Variants in GCH1 observed in about 807,000 individuals in gnomAD.
GCH1 encodes GTP cyclohydrolase I.
In GCH1, 5 loss-of-function variants were observed where a neutral mutation model predicts 25.9. The observed-to-expected ratio is 0.19, with a 90% confidence interval of 0.10 to 0.41. The LOEUF is 0.41. Ranked by LOEUF, GCH1 falls within the 10% of genes least tolerant of loss-of-function variation. GCH1 has a pLI of 1.00. For missense variants in GCH1, 261 were observed against 336.5 expected, an observed-to-expected ratio of 0.78 and a Z score of 1.75; for synonymous variants, 159 against 129.6, an observed-to-expected ratio of 1.23 and a Z score of -1.54.
intron 1 of GCH1, among the ~76,000 whole-genome samples, chr14:54,880,691 T>TC (rs1255384579): frequency 9.1e-4 from 1 of 1,102 alleles, no homozygotes; most frequent in South Asian, 0.5. Flanking sequence ...ATATATATAC[T>TC]CATATATATA....
intron 1 of GCH1, among the ~76,000 whole-genome samples, chr14:54,889,682 A>G (rs1196316373): frequency 6.6e-6 from 1 of 152,216 alleles, no homozygotes; most frequent in Admixed American, 6.5e-5. Flanking sequence ...GTTGCCAACC[A>G]AAAACAAAAA....
chr14:54,881,407 A>G (rs1350282198), intron 1 of GCH1, among the ~76,000 whole-genome samples: 2 of 152,206 alleles, frequency 1.3e-5, no homozygotes, highest in African/African-American at 4.8e-5. Context: ...CACCTGTTTG[A>G]AAAATTTGTC....
At chr14:54,845,669 T>C (rs1456564131) in intron 5 of GCH1, 99 bp downstream of exon 5, 2 of 785,448 alleles carry the variant, frequency 2.5e-6, no homozygotes. Flanking sequence ...ATATCAGTTG[T>C]GTGGCATCAC....
At chr14:54,885,525 C>T in intron 1 of GCH1, 1 of 336,532 alleles carries the variant, frequency 3.0e-6, no homozygotes, top group South Asian at 2.9e-5. Flanking sequence ...CTACACCTGG[C>T]TTCTGATACA....
rs375123099 is a variant in GCH1 at position 54,843,986 on chromosome 14, C to G, written c.*31G>C. 12 of 1,614,022 alleles carry G rather than the reference C, an allele frequency of 7.4e-6. No individual in the cohort carries two copies. In the Admixed American group the frequency reaches 1.0e-4, roughly 13 times the overall value. ...CAGACAATGCTACTGGCAGTACGAT[C>G]GGCAACCAACGCACACACACTGAAT... On this transcript the variant is annotated 3_prime_UTR_variant, in exon 6 of 6. Transcript: ENST00000491895.
chr14:54,845,334 C>T (rs536252170), intron 5 of GCH1, among the ~76,000 whole-genome samples: 55 of 148,478 alleles, frequency 3.7e-4, no homozygotes, highest in African/African-American at 1.1e-3. Flanking sequence ...AAAAATTAGC[C>T]GGGCATGGTG....
intron 4 of GCH1, 38 bp from the exon 5 acceptor site, chr14:54,845,890 C>G (rs762861837): frequency 9.2e-7 from 1 of 1,087,736 alleles, no homozygotes; most frequent in Non-Finnish European, 1.4e-6. Context: ...GAGAGTCTGA[C>G]ACAAACAGCT....
At chr14:54,850,479 A>AT (rs2039711357) in intron 3 of GCH1, among the ~76,000 whole-genome samples, 1 of 150,904 alleles carries the variant, frequency 6.6e-6, no homozygotes, top group African/African-American at 2.4e-5. Context: ...CATCCAGCTA[A>AT]TTTGTTTTTT....
At position 54,890,226 on chromosome 14, in the gene GCH1, G is replaced by A. The variant is rs188806988; in HGVS notation, c.343+12095C>T. On this transcript the variant is annotated intron_variant, in intron 1 of 5. Coordinates refer to ENST00000491895, the MANE Select transcript of GCH1 (RefSeq NM_000161.3). ...TAAAACAAATAACCAGGCCGGGAGC[G>A]GTGGCTTACGCCTGTAATCCCAGCA... Among the ~76,000 whole-genome samples, 508 of 152,308 alleles carry A rather than the reference G, an allele frequency of 3.3e-3. 4 individuals are homozygous for A. Among genetic ancestry groups the A allele is most frequent in the Non-Finnish European group, 2.6e-3 (179 of 68,030 alleles).
chr14:54,862,377 CTCTTTTTTTTTT>C (rs1302182359), intron 2 of GCH1, among the ~76,000 whole-genome samples: 4 of 115,816 alleles, frequency 3.5e-5, no homozygotes, highest in South Asian at 2.4e-4. Flanking sequence ...TGAAGCACTA[CTCTTTTTTTTTT>C]TTTTTTTTTT....
At chr14:54,887,361 G>C (rs1231449944) in intron 1 of GCH1, among the ~76,000 whole-genome samples, 1 of 152,140 alleles carries the variant, frequency 6.6e-6, no homozygotes, top group Non-Finnish European at 1.5e-5. Context: ...AATTTAGTGA[G>C]GTCTTTAGAC....
intron 1 of GCH1, chr14:54,878,183 C>T (rs28477407): frequency 0.21 from 32,949 of 154,490 alleles, 4,932 homozygotes; most frequent in East Asian, 0.42. Flanking sequence ...GGAGTTCCCT[C>T]TGAACCCATA....
chr14:54,845,785 C>G lies in GCH1; in HGVS notation c.609G>C (p.Gly203=). The G allele has an allele frequency of 6.2e-7, 1 of 1,603,110 alleles. No homozygotes were observed. The highest frequency in any genetic ancestry group is 8.5e-7 in the Non-Finnish European group (1 of 1,169,916). Residue 203 remains glycine, a synonymous_variant, in exon 5 of 6, where the codon GGG becomes GGC. Transcript: ENST00000491895. ...AGACTTACGTTGCTTCAACCACTAC[C>G]CCGACTCCAGCAGGCCGCAAGGCTT... The part of the protein sequence containing the change: ...ITEALRPAGV[G]VVVEATHMCM...
chr14:54,847,461 C>G (rs1423371440), intron 3 of GCH1, among the ~76,000 whole-genome samples: 1 of 152,146 alleles, frequency 6.6e-6, no homozygotes, highest in African/African-American at 2.4e-5. Context: ...GAATACAAAG[C>G]AGGCAGAAAT....
intron 2 of GCH1, among the ~76,000 whole-genome samples, chr14:54,864,003 C>T (rs2039957314): frequency 6.6e-6 from 1 of 152,094 alleles, no homozygotes; most frequent in Non-Finnish European, 1.5e-5. Flanking sequence ...GCAGTACAGG[C>T]ATGCACCACC....
At chr14:54,887,157 A>G (rs2040363644) in intron 1 of GCH1, among the ~76,000 whole-genome samples, 1 of 152,272 alleles carries the variant, frequency 6.6e-6, no homozygotes, top group East Asian at 1.9e-4. Flanking sequence ...GGAAAATCCC[A>G]TTAAATCTTC....
chr14:54,868,553 AAAT>A (rs1350002722), intron 1 of GCH1, among the ~76,000 whole-genome samples: 1 of 152,244 alleles, frequency 6.6e-6, no homozygotes, highest in African/African-American at 2.4e-5. Flanking sequence ...TCTGTAGTTT[AAAT>A]AATAGTATTG....
At chr14:54,889,629 C>T (rs1383852799) in intron 1 of GCH1, among the ~76,000 whole-genome samples, 1 of 152,164 alleles carries the variant, frequency 6.6e-6, no homozygotes, top group African/African-American at 2.4e-5. Context: ...TCTCCATAAG[C>T]AACAGTTGTT....
In GCH1 at chr14:54,887,684, TG is replaced by T. The variant is rs768141751; in HGVS notation, c.343+14636del. On this transcript the variant is annotated intron_variant, in intron 1 of 5. Transcript: ENST00000491895. ...AATGAATAGCTAATTTTACTAAGGG[TG>T]GTGTAAATCATTAAGAAAAACGCTT... Among the ~76,000 whole-genome samples the T allele has an allele frequency of 7.2e-5, 11 of 152,310 alleles. No homozygotes were observed. The South Asian group carries it at 2.3e-3, about 32-fold the overall frequency.
Sources: allele counts gnomAD v4.1 joint callset (sites outside exome capture counted in the v4.1 genomes callset), GRCh38; gene constraint gnomAD v4.1.1; transcripts MANE v1.5; gene names NCBI Gene and HGNC (gene_info 2026-07-23, HGNC 2026-07-21).